Variants in WIPF2 observed in about 807,000 individuals in gnomAD.
WIPF2 encodes the protein WAS/WASL-interacting protein family member 2.
Under a neutral mutation model 38.8 loss-of-function variants are expected in WIPF2, and 23 were observed. The ratio of observed to expected loss-of-function variants is 0.59; its 90% CI spans 0.43 to 0.84. The LOEUF (loss-of-function observed/expected upper bound fraction) is 0.84. Ranked by LOEUF, WIPF2 falls within the 40% of genes least tolerant of loss-of-function variation. WIPF2 has a pLI of 0.00. For missense variants in WIPF2, 574 were observed against 580.5 expected (o/e 0.99, Z 0.11); for synonymous variants, 210 against 223.2 (o/e 0.94, Z 0.53).
chr17:40,239,786 A>G (rs917818501), intron 1 of WIPF2, among the ~76,000 whole-genome samples: 2 of 134,264 alleles, frequency 1.5e-5, no homozygotes, highest in African/African-American at 5.7e-5. Flanking sequence ...AACCTCTGCC[A>G]CCCGGCTTCA....
At chr17:40,224,702 A>G (rs2030409126) in intron 1 of WIPF2, among the ~76,000 whole-genome samples, 2 of 151,616 alleles carry the variant, frequency 1.3e-5, no homozygotes, top group South Asian at 4.2e-4. Context: ...TCACAGTTTG[A>G]TACTACCAAA....
chr17:40,262,909 A>G (rs1046671037), intron 4 of WIPF2, among the ~76,000 whole-genome samples: 3 of 152,202 alleles, frequency 2.0e-5, no homozygotes, highest in Non-Finnish European at 4.4e-5. Context: ...GATAATATGG[A>G]TGAACTTGGA....
At chr17:40,277,239 G>A in intron 7 of WIPF2, 55 bp downstream of exon 7, 1 of 1,481,176 alleles carries the variant, frequency 6.8e-7, no homozygotes, top group South Asian at 1.2e-5. Context: ...TAGAATCTGT[G>A]CATTTTCTTA....
At chr17:40,231,990 AAG>A (rs932450202) in intron 1 of WIPF2, among the ~76,000 whole-genome samples, 34 of 149,380 alleles carry the variant, frequency 2.3e-4, no homozygotes, top group African/African-American at 8.1e-4. Flanking sequence ...AAGACCTAAA[AAG>A]AGAGTTAAGG....
Position 40,219,379 on chromosome 17 carries a change from GCGGCGGCGGCGGCGGCGGCGA to G in WIPF2, c.-177_-157del, listed in dbSNP as rs920615231. ...GGCAAAAGGGGCGGTGGCGGCGGCG[GCGGCGGCGGCGGCGGCGGCGA>G]CGGCGAGAAAGAGCTTGCCGGGGGG... is the stretch of plus-strand genomic sequence containing the variant. On this transcript the variant is annotated 5_prime_UTR_variant, in exon 1 of 8. Transcript: ENST00000323571. 9 of 408,766 alleles carry G rather than the reference GCGGCGGCGGCGGCGGCGGCGA, an allele frequency of 2.2e-5. No homozygotes were observed. Among genetic ancestry groups the G allele is most frequent in the African/African-American group, 9.8e-5 (4 of 40,908 alleles). 25.3% of individuals were successfully genotyped at this position (408,766 alleles called of 1,614,324 possible).
At chr17:40,229,296 A>G (rs2145285837) in intron 1 of WIPF2, among the ~76,000 whole-genome samples, 1 of 151,822 alleles carries the variant, frequency 6.6e-6, no homozygotes, top group East Asian at 1.9e-4. Context: ...TTTTTAGTAG[A>G]GACGGGGTTT....
At chr17:40,234,847 C>T (rs561385591) in intron 1 of WIPF2, among the ~76,000 whole-genome samples, 3 of 152,190 alleles carry the variant, frequency 2.0e-5, no homozygotes, top group East Asian at 3.9e-4. Flanking sequence ...TCCGAGGCCA[C>T]GCACGCTCTC....
chr17:40,258,954 A>C (rs942140409), intron 2 of WIPF2, among the ~76,000 whole-genome samples: 19 of 149,944 alleles, frequency 1.3e-4, no homozygotes, highest in Admixed American at 8.0e-4. Context: ...CTAATATAAA[A>C]AAAAATTTTT....
chr17:40,256,703 A>G (rs958390148), intron 2 of WIPF2, among the ~76,000 whole-genome samples, 181 bp downstream of exon 2: 4 of 152,038 alleles, frequency 2.6e-5, no homozygotes, highest in Non-Finnish European at 5.9e-5. Flanking sequence ...GTATTAAAGG[A>G]TACTTAGGGC....
chr17:40,233,401 C>T (rs2030829965), intron 1 of WIPF2, among the ~76,000 whole-genome samples: 1 of 151,942 alleles, frequency 6.6e-6, no homozygotes, highest in South Asian at 2.1e-4. Context: ...TACTTTATTT[C>T]TGCTTGTTTG....
chr17:40,239,279 G>C (rs867904094), intron 1 of WIPF2, among the ~76,000 whole-genome samples: 4 of 151,654 alleles, frequency 2.6e-5, no homozygotes, highest in South Asian at 2.1e-4. Context: ...CACTGTGTTA[G>C]CCAGGATGGT....
At chr17:40,276,481 A>G (rs932783580) in intron 6 of WIPF2, among the ~76,000 whole-genome samples, 4 of 126,064 alleles carry the variant, frequency 3.2e-5, no homozygotes, top group African/African-American at 1.2e-4. Flanking sequence ...AGATCATGCC[A>G]CCGCACCCCA....
At chr17:40,236,529 C>G (rs1335691980) in intron 1 of WIPF2, among the ~76,000 whole-genome samples, 3 of 150,550 alleles carry the variant, frequency 2.0e-5, no homozygotes, top group Admixed American at 6.6e-5. Context: ...TGGTCTCGAA[C>G]TCCTGGCCTC....
chr17:40,244,888 C>CT (rs899181720), intron 1 of WIPF2, among the ~76,000 whole-genome samples: 2 of 152,158 alleles, frequency 1.3e-5, no homozygotes, highest in African/African-American at 4.8e-5. Context: ...GCCAGATACT[C>CT]TCCCCCAATG....
intron 4 of WIPF2, among the ~76,000 whole-genome samples, chr17:40,263,107 T>G (rs1294311316): frequency 6.6e-6 from 1 of 152,124 alleles, no homozygotes; most frequent in East Asian, 1.9e-4. Flanking sequence ...GGTACAAAGT[T>G]TCAGTTAGAC....
intron 1 of WIPF2, among the ~76,000 whole-genome samples, chr17:40,243,290 C>T (rs1362051831): frequency 1.3e-5 from 2 of 152,020 alleles, no homozygotes; most frequent in African/African-American, 2.4e-5. Context: ...GGTATACAAA[C>T]CCCCCACTGC....
chr17:40,273,777 A>G lies in WIPF2; in HGVS notation c.971-13A>G. ...CCACATCCAAACCTAACTACTTTGG[A>G]TTTTAATTGCAGCTCCTCCACCCCC... On this transcript the variant is annotated splice_polypyrimidine_tract_variant and intron_variant, in intron 5 of 7. Transcript: ENST00000323571. 1 of 1,596,896 alleles carries G rather than the reference A, an allele frequency of 6.3e-7. No homozygotes were observed. The highest frequency in any genetic ancestry group is 8.6e-7 in the Non-Finnish European group (1 of 1,166,262).
At position 40,283,379 on chromosome 17, in the gene WIPF2, G is replaced by C. The variant is rs1274932660; in HGVS notation, c.*5154G>C. The stretch of plus-strand genomic sequence containing the variant: ...CCCACCTCAGCCTCCCGTGTAGCTG[G>C]GACCACAGGTGTGTACCACTATGCC... On this transcript the variant is annotated 3_prime_UTR_variant, in exon 8 of 8. Coordinates refer to ENST00000323571, the MANE Select transcript of WIPF2 (RefSeq NM_133264.5). 2 of 151,784 alleles carry C rather than the reference G, an allele frequency of 1.3e-5. No individual in the cohort carries two copies. Among genetic ancestry groups the C allele is most frequent in the East Asian group, 3.9e-4 (2 of 5,164 alleles). 9.4% of individuals were successfully genotyped at this position (151,784 alleles called of 1,614,324 possible).
At chr17:40,274,092 A>G in intron 6 of WIPF2, 93 bp downstream of exon 6, 1 of 1,016,528 alleles carries the variant, frequency 9.8e-7, no homozygotes, top group African/African-American at 1.7e-5. Context: ...TAGAGTGGGA[A>G]TGGCCACATG....
Sources: allele counts gnomAD v4.1 joint callset (sites outside exome capture counted in the v4.1 genomes callset), GRCh38; gene constraint gnomAD v4.1.1; transcripts MANE v1.5; gene names NCBI Gene and HGNC (gene_info 2026-07-23, HGNC 2026-07-21).